Variants in ATAD2 observed in about 807,000 individuals in gnomAD.
ATAD2 encodes the protein ATPase family AAA domain-containing protein 2.
Under a neutral mutation model 168.9 loss-of-function variants are expected in ATAD2, and 62 were observed. The ratio of observed to expected loss-of-function variants is 0.37; its 90% CI spans 0.30 to 0.45. The LOEUF (loss-of-function observed/expected upper bound fraction) is 0.45, where lower values mean the gene tolerates loss of function less well. ATAD2 is among the 20% of genes least tolerant of loss of function. The pLI is 1.00. For missense variants in ATAD2, 1,419 were observed against 1,667.8 expected, an observed-to-expected ratio of 0.85 and a Z score of 2.60; for synonymous variants, 613 against 571.6, an observed-to-expected ratio of 1.07 and a Z score of -1.03.
At chr8:123,370,861 T>C in intron 6 of ATAD2, 42 bp downstream of exon 6, 1 of 1,468,846 alleles carries the variant, frequency 6.8e-7, no homozygotes, top group Non-Finnish European at 9.3e-7. Flanking sequence ...TAAAAAGTTC[T>C]TAAATTCAAT....
intron 9 of ATAD2, 84 bp from the exon 10 acceptor site, chr8:123,359,769 A>G: frequency 2.2e-6 from 2 of 926,504 alleles, no homozygotes; most frequent in Non-Finnish European, 3.2e-6. Context: ...TAAACATTTA[A>G]GTTAAAAAAA....
intron 1 of ATAD2, among the ~76,000 whole-genome samples, chr8:123,383,091 A>G (rs1829537643): frequency 6.6e-6 from 1 of 152,214 alleles, no homozygotes; most frequent in African/African-American, 2.4e-5. Context: ...AAACTAACAC[A>G]GGAACAGAAA....
At chr8:123,400,683 G>C, upstream of ATAD2, 2 of 736,910 alleles carry the variant, frequency 2.7e-6, no homozygotes, top group Non-Finnish European at 5.0e-6. The surrounding 1 kb of genome is among the most constrained non-coding windows in gnomAD (Gnocchi z 4.5). Flanking sequence ...ACGAGTTCCT[G>C]ATTCTCCCAG....
intron 2 of ATAD2, among the ~76,000 whole-genome samples, chr8:123,379,466 G>C (rs1829423555): frequency 6.6e-6 from 1 of 152,112 alleles, no homozygotes; most frequent in African/African-American, 2.4e-5. Flanking sequence ...TCAAATACCT[G>C]AGAACTGATC....
intron 24 of ATAD2, among the ~76,000 whole-genome samples, chr8:123,330,621 C>G (rs1827752786): frequency 6.6e-6 from 1 of 152,214 alleles, no homozygotes; most frequent in Non-Finnish European, 1.5e-5. Context: ...CCTGGCCTCC[C>G]AAAATGCTGG....
intron 19 of ATAD2, among the ~76,000 whole-genome samples, chr8:123,343,682 G>C (rs1411610132): frequency 6.6e-6 from 1 of 152,140 alleles, no homozygotes; most frequent in Non-Finnish European, 1.5e-5. Flanking sequence ...GGACACAAAG[G>C]TGACAAAAAA....
At position 123,396,358 on chromosome 8, in the gene ATAD2, C is replaced by T. The variant is rs758363912; in HGVS notation, c.-1G>A. The T allele has an allele frequency of 1.0e-5, 16 of 1,585,188 alleles. No homozygotes were observed. In the East Asian group the frequency reaches 3.0e-4, roughly 30 times the overall value. On this transcript the variant is annotated 5_prime_UTR_variant, in exon 1 of 28. Transcript: ENST00000287394. ...CCAAGCTGCTGCGGAGAACCACCAT[C>T]TTCTCTCCCTACTGGCCTCGGCGTG...
At chr8:123,347,879 TTATGA>T (rs1487976294) in intron 15 of ATAD2, among the ~76,000 whole-genome samples, 3 of 152,132 alleles carry the variant, frequency 2.0e-5, no homozygotes, top group Non-Finnish European at 2.9e-5. Context: ...TATTATCTTA[TTATGA>T]TATAATAATA....
At position 123,347,076 on chromosome 8, in the gene ATAD2, C is replaced by T. The variant is rs1828270383; in HGVS notation, c.2212+16G>A. 1 of 1,579,858 alleles carries T rather than the reference C, an allele frequency of 6.3e-7. No individual in the cohort carries two copies. Among genetic ancestry groups the T allele is most frequent in the Non-Finnish European group, 8.6e-7 (1 of 1,161,128 alleles). On this transcript the variant is annotated intron_variant, in intron 16 of 27. Transcript: ENST00000287394. Reference sequence around the variant, plus strand: ...ATTATAAAAACTAACTTTAAATGGTCAATCAAGTTTTATACCTGAGTCTAA... The same window carrying T: ...ATTATAAAAACTAACTTTAAATGGTTAATCAAGTTTTATACCTGAGTCTAA...
chr8:123,368,345 G>T (rs1226668098), intron 8 of ATAD2, among the ~76,000 whole-genome samples: 1 of 152,168 alleles, frequency 6.6e-6, no homozygotes, highest in Non-Finnish European at 1.5e-5. Flanking sequence ...TTGAACCCAG[G>T]AGGCAGAGGT....
chr8:123,389,148 T>TTG (rs1554647495), intron 1 of ATAD2, among the ~76,000 whole-genome samples: 27 of 147,874 alleles, frequency 1.8e-4, no homozygotes, highest in African/African-American at 6.4e-4. Flanking sequence ...TTTTTTTTTT[T>TTG]TGTATTTTTA....
At position 123,360,267 on chromosome 8, in the gene ATAD2, C is replaced by T. The variant is rs992450544; in HGVS notation, c.1158-582G>A. 7.9e-5 allele frequency among the ~76,000 whole-genome samples: 12 copies of T among 152,316 alleles called. No individual in the cohort carries two copies. In the South Asian group the frequency reaches 1.7e-3, roughly 21 times the overall value. On this transcript the variant is annotated intron_variant, in intron 9 of 27. Transcript: ENST00000287394. ...TATGATATCTCCCAGAAAAAATATT[C>T]GCAGTCTACCAGCATTTGGATCCAA...
chr8:123,324,510 G>A (rs1302854860), intron 26 of ATAD2, among the ~76,000 whole-genome samples: 2 of 152,216 alleles, frequency 1.3e-5, no homozygotes, highest in Non-Finnish European at 2.9e-5. Flanking sequence ...GTTGGTTGAG[G>A]AGATAAGACC....
At chr8:123,389,198 G>A (rs1183496791) in intron 1 of ATAD2, among the ~76,000 whole-genome samples, 2 of 134,608 alleles carry the variant, frequency 1.5e-5, no homozygotes, top group African/African-American at 2.8e-5. Flanking sequence ...GGATGGTCTC[G>A]ATCTCCTGAC....
At chr8:123,346,342 C>T in intron 17 of ATAD2, 70 bp from the exon 18 acceptor site, 4 of 1,373,944 alleles carry the variant, frequency 2.9e-6, no homozygotes, top group Non-Finnish European at 3.9e-6. Flanking sequence ...AAATTGTCAA[C>T]TATAAACTTT....
chr8:123,394,553 C>T (rs1231921054), intron 1 of ATAD2, among the ~76,000 whole-genome samples: 4 of 151,804 alleles, frequency 2.6e-5, no homozygotes, highest in African/African-American at 7.3e-5. Context: ...TGCTTGAACC[C>T]GGGAGGTGGA....
intron 13 of ATAD2, among the ~76,000 whole-genome samples, chr8:123,351,716 C>T (rs1828466437): frequency 6.6e-6 from 1 of 151,276 alleles, no homozygotes; most frequent in South Asian, 2.1e-4. Context: ...CTTAGGTGAC[C>T]AGTTGAATTA....
Position 123,339,390 on chromosome 8 carries a change from A to T in ATAD2, c.2775T>A (p.Asp925Glu). The change falls in exon 20 of 28, where the codon GAT (aspartate) becomes GAA (glutamate). Residue 925 changes from aspartate to glutamate, a missense_variant. Coordinates refer to ENST00000287394, the MANE Select transcript of ATAD2 (RefSeq NM_014109.4). Reference sequence around the variant, plus strand: ...CAAAAAATTTTGTCCGTTCTTCTTTATCCGGTAACTGGACATTAAAAATCT... The same window carrying T: ...CAAAAAATTTTGTCCGTTCTTCTTTTTCCGGTAACTGGACATTAAAAATCT... ...YGEIFNVQLP[D>E]KEERTKFFED... 3 of 1,603,112 alleles carry T rather than the reference A, an allele frequency of 1.9e-6. No homozygotes were observed. The highest frequency in any genetic ancestry group is 2.6e-6 in the Non-Finnish European group (3 of 1,174,104).
intron 1 of ATAD2, among the ~76,000 whole-genome samples, chr8:123,393,429 G>A (rs947715789): frequency 6.6e-6 from 1 of 151,794 alleles, no homozygotes; most frequent in African/African-American, 2.4e-5. Context: ...AGAATCACTT[G>A]ATCCTGGGAG....
Sources: allele counts gnomAD v4.1 joint callset (sites outside exome capture counted in the v4.1 genomes callset), GRCh38; gene constraint gnomAD v4.1.1; non-coding constraint Gnocchi (gnomAD v3.1); transcripts MANE v1.5; gene names NCBI Gene and HGNC (gene_info 2026-07-23, HGNC 2026-07-21).